Variants in SYN3 observed in about 807,000 individuals in gnomAD.
SYN3 encodes the protein synapsin-3.
A neutral mutation model predicts 65.8 loss-of-function variants in SYN3; 35 were observed. That is an observed-to-expected ratio of 0.53 (90% CI 0.41 to 0.70). The LOEUF is 0.70. SYN3 is among the 30% of genes least tolerant of loss of function. The pLI is 0.00. For missense variants in SYN3, 680 were observed against 749.0 expected, an observed-to-expected ratio of 0.91 and a Z score of 1.08; for synonymous variants, 270 against 292.9, an observed-to-expected ratio of 0.92 and a Z score of 0.80.
At chr22:32,966,625 C>G (rs752471907) in intron 3 of SYN3, among the ~76,000 whole-genome samples, 17 of 152,098 alleles carry the variant, frequency 1.1e-4, no homozygotes, top group Non-Finnish European at 1.5e-4. Flanking sequence ...GATTAAGAAC[C>G]ATAAACAGGC....
chr22:32,900,218 A>G (rs1411106967), intron 4 of SYN3, among the ~76,000 whole-genome samples: 1 of 152,162 alleles, frequency 6.6e-6, no homozygotes, highest in Non-Finnish European at 1.5e-5. Flanking sequence ...GCTCATGAAG[A>G]TGGACTTGAG....
chr22:32,653,265 G>GAA (rs67258911), intron 6 of SYN3, among the ~76,000 whole-genome samples: 1 of 133,808 alleles, frequency 7.5e-6, no homozygotes, highest in Non-Finnish European at 1.7e-5. Flanking sequence ...TTCCTTAAAA[G>GAA]AAAAAAAAAA....
intron 1 of SYN3, among the ~76,000 whole-genome samples, chr22:33,042,206 A>C (rs919543016): frequency 2.6e-5 from 4 of 152,154 alleles, no homozygotes; most frequent in African/African-American, 7.2e-5. Context: ...CAGCCTCCCG[A>C]ACTGTCTCTT....
chr22:32,894,568 A>G (rs1295405188), intron 4 of SYN3, among the ~76,000 whole-genome samples: 1 of 152,220 alleles, frequency 6.6e-6, no homozygotes. Context: ...AAGAGCCACC[A>G]GGCACGACCC....
chr22:32,942,011 C>G (rs1335599060), intron 3 of SYN3, among the ~76,000 whole-genome samples: 1 of 152,250 alleles, frequency 6.6e-6, no homozygotes. Context: ...GTAGACTCCA[C>G]CTCTGGGGGC....
At chr22:32,676,533 T>C (rs1359708794) in intron 6 of SYN3, among the ~76,000 whole-genome samples, 163 of 33,346 alleles carry the variant, frequency 4.9e-3, no homozygotes, top group Non-Finnish European at 0.012. Flanking sequence ...TCTTTCTTTT[T>C]TTTTTTTTTT....
At chr22:32,517,235 T>G (rs1241784563) in intron 13 of SYN3, among the ~76,000 whole-genome samples, 3 of 152,220 alleles carry the variant, frequency 2.0e-5, no homozygotes, top group Non-Finnish European at 4.4e-5. Flanking sequence ...TAAAATAACA[T>G]TTCATAACTC....
chr22:32,880,949 G>A (rs536854675), intron 4 of SYN3, among the ~76,000 whole-genome samples: 67 of 152,320 alleles, frequency 4.4e-4, no homozygotes, highest in African/African-American at 1.5e-3. Flanking sequence ...GCTGCAGCTC[G>A]CCAGGGCAAT....
At chr22:32,739,416 C>CT (rs2061377053) in intron 6 of SYN3, among the ~76,000 whole-genome samples, 1 of 148,626 alleles carries the variant, frequency 6.7e-6, no homozygotes, top group Non-Finnish European at 1.5e-5. Flanking sequence ...TCGGGTATGT[C>CT]TTTATCAGCA....
chr22:32,586,191 C>A (rs754627566), intron 7 of SYN3, among the ~76,000 whole-genome samples: 1 of 151,466 alleles, frequency 6.6e-6, no homozygotes, highest in African/African-American at 2.4e-5. Context: ...TATACACATG[C>A]AGTTGATTCT....
chr22:32,935,619 T>C (rs2146720738), intron 3 of SYN3, among the ~76,000 whole-genome samples: 1 of 152,126 alleles, frequency 6.6e-6, no homozygotes, highest in African/African-American at 2.4e-5. Context: ...CCCGGCTAAT[T>C]TTTGTATTTT....
In SYN3 at chr22:32,521,038, T is replaced by C. The variant is rs147206869; in HGVS notation, c.1319-2704A>G. Among the ~76,000 whole-genome samples the C allele has an allele frequency of 4.6e-5, 7 of 152,354 alleles. No homozygotes were observed. The East Asian group carries it at 1.3e-3, about 29-fold the overall frequency. On this transcript the variant is annotated intron_variant, in intron 12 of 13. Coordinates refer to ENST00000358763, the MANE Select transcript of SYN3 (RefSeq NM_003490.4). ...GATTATATTACATGGCTTTGATTCA[T>C]TACCTCTTTCATGATTGTATAGGCG...
At chr22:32,581,641 G>C (rs1320302640) in intron 7 of SYN3, among the ~76,000 whole-genome samples, 1 of 152,118 alleles carries the variant, frequency 6.6e-6, no homozygotes, top group Non-Finnish European at 1.5e-5. Flanking sequence ...GATACCCTAA[G>C]TGGGTGGCTG....
intron 6 of SYN3, among the ~76,000 whole-genome samples, chr22:32,627,788 C>G (rs1292035333): frequency 6.6e-6 from 1 of 151,968 alleles, no homozygotes; most frequent in Non-Finnish European, 1.5e-5. Flanking sequence ...GAAGAAGCTC[C>G]ACCTGTACAA....
chr22:32,613,881 C>A (rs1019245477), intron 6 of SYN3, among the ~76,000 whole-genome samples: 1 of 152,176 alleles, frequency 6.6e-6, no homozygotes, highest in Admixed American at 6.5e-5. Context: ...ACCCTTCCTT[C>A]CACCTACGGA....
chr22:32,753,531 GC>G (rs1241615017), intron 6 of SYN3, among the ~76,000 whole-genome samples: 21 of 151,998 alleles, frequency 1.4e-4, no homozygotes, highest in African/African-American at 4.8e-4. Flanking sequence ...GGGCTTCTTA[GC>G]CCACCAGAGA....
In SYN3 at chr22:32,753,094, G is replaced by A. The variant is rs117649820; in HGVS notation, c.711+111821C>T. On this transcript the variant is annotated intron_variant, in intron 6 of 13. Transcript: ENST00000358763. ...CCAAGAAGAGCCCCTCGGGGCCCCTGAGGAAGATGTATATATGGGGGTTCC... is the reference window on the plus strand; with the variant it reads ...CCAAGAAGAGCCCCTCGGGGCCCCTAAGGAAGATGTATATATGGGGGTTCC... Among the ~76,000 whole-genome samples, 867 of 152,256 alleles carry A rather than the reference G, an allele frequency of 5.7e-3. 3 individuals carry two copies. Among genetic ancestry groups the A allele is most frequent in the Non-Finnish European group, 9.5e-3 (648 of 68,020 alleles).
intron 13 of SYN3, among the ~76,000 whole-genome samples, chr22:32,515,955 C>T (rs774897488): frequency 1.7e-4 from 26 of 152,110 alleles, no homozygotes; most frequent in Non-Finnish European, 2.8e-4. Flanking sequence ...CACGCTGCCG[C>T]GCCTGGCTAA....
chr22:32,925,246 G>T (rs1048221209), intron 4 of SYN3, among the ~76,000 whole-genome samples: 3 of 152,170 alleles, frequency 2.0e-5, no homozygotes, highest in Non-Finnish European at 4.4e-5. Context: ...GTTTTCCCGT[G>T]TCTAAATTTC....
Sources: allele counts gnomAD v4.1 joint callset (sites outside exome capture counted in the v4.1 genomes callset), GRCh38; gene constraint gnomAD v4.1.1; transcripts MANE v1.5; gene names NCBI Gene and HGNC (gene_info 2026-07-23, HGNC 2026-07-21).